Variants in ARL15 observed in about 807,000 individuals in gnomAD.
ARL15 encodes the protein ADP-ribosylation factor-like protein 15.
Under a neutral mutation model 25.2 loss-of-function variants are expected in ARL15, and 19 were observed. The observed-to-expected ratio is 0.75, with a 90% CI of 0.53 to 1.10. The LOEUF (loss-of-function observed/expected upper bound fraction) is 1.10, where lower values mean the gene tolerates loss of function less well. Among genes scored for constraint, ARL15 ranks in the 50% least tolerant of loss-of-function variants. The probability of loss-of-function intolerance (pLI) is 0.00; values close to 1 mark genes in which losing one functional copy is unlikely to be tolerated. For synonymous variants in ARL15, 94 were observed against 86.8 expected (o/e 1.08, Z -0.46); for missense variants, 220 against 246.0 (o/e 0.89, Z 0.71).
intron 4 of ARL15, among the ~76,000 whole-genome samples, chr5:54,084,549 T>C (rs915495687): frequency 1.3e-5 from 2 of 152,008 alleles, no homozygotes; most frequent in Non-Finnish European, 2.9e-5. Flanking sequence ...CCCCTCGACA[T>C]CTCCCTGGGA....
intron 4 of ARL15, among the ~76,000 whole-genome samples, chr5:54,025,723 T>C (rs967346272): frequency 3.3e-5 from 5 of 152,172 alleles, no homozygotes; most frequent in African/African-American, 7.2e-5. Flanking sequence ...AGAAAGCTAT[T>C]TCCCAGGGAT....
chr5:54,019,862 C>T (rs1432043237), intron 4 of ARL15, among the ~76,000 whole-genome samples: 1 of 152,192 alleles, frequency 6.6e-6, no homozygotes, highest in South Asian at 2.1e-4. Context: ...CCTATACTTT[C>T]ACTGCTTTTC....
intron 1 of ARL15, among the ~76,000 whole-genome samples, chr5:54,249,459 A>G (rs578030342): frequency 5.0e-4 from 76 of 152,284 alleles, no homozygotes; most frequent in African/African-American, 1.8e-3. Context: ...AGAGGAAGTG[A>G]AGATAACAGA....
chr5:54,280,926 G>A (rs1278958091), intron 1 of ARL15, among the ~76,000 whole-genome samples: 1 of 150,158 alleles, frequency 6.7e-6, no homozygotes, highest in African/African-American at 2.5e-5. Context: ...AAAATCCCAA[G>A]TTAAGAAATG....
chr5:54,073,926 G>T (rs1579768073), intron 4 of ARL15, among the ~76,000 whole-genome samples: 1 of 152,212 alleles, frequency 6.6e-6, no homozygotes, highest in South Asian at 2.1e-4. Context: ...AACAGCTTCA[G>T]TGGGAATGCC....
chr5:53,903,740 C>T (rs1253809545), intron 4 of ARL15, among the ~76,000 whole-genome samples: 1 of 152,176 alleles, frequency 6.6e-6, no homozygotes, highest in African/African-American at 2.4e-5. Context: ...CTCTGTGCTT[C>T]TTTCTGGCTC....
At chr5:54,007,753 T>TA (rs1239135023) in intron 4 of ARL15, among the ~76,000 whole-genome samples, 2 of 152,238 alleles carry the variant, frequency 1.3e-5, no homozygotes, top group African/African-American at 4.8e-5. Flanking sequence ...TCTTTCCTTA[T>TA]AGACCTTCTT....
intron 1 of ARL15, among the ~76,000 whole-genome samples, chr5:54,239,946 G>A (rs1312092043): frequency 6.6e-6 from 1 of 152,062 alleles, no homozygotes; most frequent in African/African-American, 2.4e-5. Context: ...ACACATCATC[G>A]GCCGGGCGCG....
intron 3 of ARL15, among the ~76,000 whole-genome samples, chr5:54,124,154 T>G (rs1753174725): frequency 6.6e-6 from 1 of 152,178 alleles, no homozygotes; most frequent in African/African-American, 2.4e-5. Flanking sequence ...AGAAGAGACA[T>G]TTATTGGGTA....
intron 1 of ARL15, among the ~76,000 whole-genome samples, chr5:54,295,438 C>A (rs1437743719): frequency 1.3e-5 from 2 of 152,114 alleles, no homozygotes; most frequent in African/African-American, 2.4e-5. Context: ...GGGCTGCACT[C>A]CAGGCTCAAA....
intron 3 of ARL15, among the ~76,000 whole-genome samples, chr5:54,137,512 A>G (rs1043163042): frequency 6.6e-6 from 1 of 152,212 alleles, no homozygotes; most frequent in African/African-American, 2.4e-5. Flanking sequence ...CATAAAAACG[A>G]TAATAGCCAC....
At chr5:54,115,877 G>C (rs528407097) in intron 3 of ARL15, among the ~76,000 whole-genome samples, 1 of 152,308 alleles carries the variant, frequency 6.6e-6, no homozygotes, top group South Asian at 2.1e-4. Context: ...CAGGGGTACT[G>C]AGATAAGCAA....
intron 4 of ARL15, among the ~76,000 whole-genome samples, chr5:54,054,547 T>G (rs1019946678): frequency 6.6e-6 from 1 of 152,108 alleles, no homozygotes; most frequent in African/African-American, 2.4e-5. Context: ...TCCCAGCACT[T>G]TGGGAGGCCG....
At chr5:54,184,439 TAAAAAAAAA>T (rs527755025) in intron 1 of ARL15, among the ~76,000 whole-genome samples, 2 of 69,118 alleles carry the variant, frequency 2.9e-5, no homozygotes, top group Non-Finnish European at 5.6e-5. Flanking sequence ...ACACTGTCTT[TAAAAAAAAA>T]AAAAAAAAAA....
chr5:54,285,018 GAGACAT>G (rs1758150871), intron 1 of ARL15, among the ~76,000 whole-genome samples: 1 of 152,100 alleles, frequency 6.6e-6, no homozygotes, highest in Non-Finnish European at 1.5e-5. Context: ...GTAAACCCAT[GAGACAT>G]AAGGCATAAC....
intron 1 of ARL15, among the ~76,000 whole-genome samples, chr5:54,187,690 T>C (rs1755279105): frequency 6.6e-6 from 1 of 152,226 alleles, no homozygotes; most frequent in Admixed American, 6.5e-5. Context: ...ATGTATTCCC[T>C]TCTCCCTTTC....
chr5:54,139,431 T>C (rs1038417585), intron 3 of ARL15, among the ~76,000 whole-genome samples: 1 of 152,166 alleles, frequency 6.6e-6, no homozygotes, highest in Non-Finnish European at 1.5e-5. Flanking sequence ...CCAAATACTA[T>C]ATGTTCTTAG....
chr5:53,916,513 G>T (rs1580076871), intron 4 of ARL15, among the ~76,000 whole-genome samples: 1 of 151,974 alleles, frequency 6.6e-6, no homozygotes, highest in Non-Finnish European at 1.5e-5. Context: ...TAAAATAAAA[G>T]TTGGGGGGAA....
chr5:54,273,178 T>C (rs1757836520), intron 1 of ARL15, among the ~76,000 whole-genome samples: 1 of 152,098 alleles, frequency 6.6e-6, no homozygotes, highest in African/African-American at 2.4e-5. Flanking sequence ...AAATAGATTG[T>C]GTAGTGAAAA....
Sources: allele counts gnomAD v4.1 joint callset (sites outside exome capture counted in the v4.1 genomes callset), GRCh38; gene constraint gnomAD v4.1.1; transcripts MANE v1.5; gene names NCBI Gene and HGNC (gene_info 2026-07-23, HGNC 2026-07-21).